Variants in HIVEP3 observed in about 807,000 individuals in gnomAD.
HIVEP3 encodes the protein transcription factor HIVEP3.
A neutral mutation model predicts 152.8 loss-of-function variants in HIVEP3; 49 were observed. The ratio of observed to expected loss-of-function variants is 0.32; its 90% CI spans 0.26 to 0.41. The LOEUF (loss-of-function observed/expected upper bound fraction) is 0.41. HIVEP3 is among the 10% of genes least tolerant of loss of function. The pLI is 1.00. For synonymous variants in HIVEP3, 1,269 were observed against 1,289.0 expected, an observed-to-expected ratio of 0.98 and a Z score of 0.33; for missense variants, 2,790 against 3,103.3, an observed-to-expected ratio of 0.90 and a Z score of 2.40.
intron 1 of HIVEP3, among the ~76,000 whole-genome samples, chr1:41,983,175 C>G (rs896503483): frequency 6.6e-6 from 1 of 152,220 alleles, no homozygotes; most frequent in Non-Finnish European, 1.5e-5. Flanking sequence ...CAGCCCAGTT[C>G]CTAACAGGCC....
At chr1:41,965,961 T>C (rs1413768450) in intron 1 of HIVEP3, among the ~76,000 whole-genome samples, 1 of 151,698 alleles carries the variant, frequency 6.6e-6, no homozygotes, top group East Asian at 1.9e-4. Flanking sequence ...AAGGAAAAAA[T>C]GTTAAAGGCA....
chr1:41,544,856 C>T (rs1470253608), intron 5 of HIVEP3, among the ~76,000 whole-genome samples: 1,007 of 92,558 alleles, frequency 0.011, 6 homozygotes, highest in Non-Finnish European at 0.015. Flanking sequence ...CCACCACCAC[C>T]ACCACCACCA....
intron 1 of HIVEP3, among the ~76,000 whole-genome samples, chr1:41,886,931 T>C (rs1020939977): frequency 6.6e-6 from 1 of 152,016 alleles, no homozygotes; most frequent in Non-Finnish European, 1.5e-5. Flanking sequence ...CCAGACATTT[T>C]CCCCCTTTTT....
chr1:42,018,345 A>C (rs913373986), intron 1 of HIVEP3, among the ~76,000 whole-genome samples: 2 of 128,806 alleles, frequency 1.6e-5, no homozygotes, highest in Admixed American at 8.6e-5. Flanking sequence ...TTTTCTTTTA[A>C]GAGCTTTATT....
intron 1 of HIVEP3, among the ~76,000 whole-genome samples, chr1:41,948,103 A>G (rs1332245463): frequency 1.3e-5 from 2 of 152,218 alleles, no homozygotes; most frequent in Admixed American, 1.3e-4. Flanking sequence ...GACTTTTTAG[A>G]GGTCTCCTTG....
intron 1 of HIVEP3, among the ~76,000 whole-genome samples, chr1:41,936,361 C>T (rs764465039): frequency 2.6e-4 from 39 of 152,156 alleles, no homozygotes; most frequent in Non-Finnish European, 3.7e-4. Flanking sequence ...ACCCCTCAAG[C>T]CCGGCCTGGC....
At chr1:41,605,375 G>GCACACACA (rs57942643) in intron 3 of HIVEP3, among the ~76,000 whole-genome samples, 2 of 126,620 alleles carry the variant, frequency 1.6e-5, no homozygotes, top group African/African-American at 6.0e-5. Flanking sequence ...ACGCACACGC[G>GCACACACA]CACACACACA....
intron 1 of HIVEP3, among the ~76,000 whole-genome samples, chr1:41,802,115 A>G (rs2124314088): frequency 6.6e-6 from 1 of 152,386 alleles, no homozygotes; most frequent in Admixed American, 6.5e-5. Flanking sequence ...CTGCCAGTTT[A>G]GAAAGCATCT....
intron 1 of HIVEP3, among the ~76,000 whole-genome samples, chr1:41,987,968 A>G (rs1277168464): frequency 6.6e-6 from 1 of 152,212 alleles, no homozygotes; most frequent in Non-Finnish European, 1.5e-5. Context: ...AACCACCCCC[A>G]TGATCCAATC....
chr1:41,586,858 T>C (rs1046961137), intron 3 of HIVEP3, among the ~76,000 whole-genome samples: 1 of 151,966 alleles, frequency 6.6e-6, no homozygotes, highest in African/African-American at 2.4e-5. Context: ...CAAAACCATA[T>C]TTATAGAAGA....
intron 3 of HIVEP3, among the ~76,000 whole-genome samples, chr1:41,597,591 G>A (rs990088885): frequency 1.3e-5 from 2 of 152,136 alleles, no homozygotes; most frequent in Admixed American, 6.5e-5. Flanking sequence ...AAACTGATAA[G>A]TAGCAGAGAC....
chr1:41,823,373 T>TC (rs1642664458), intron 1 of HIVEP3, among the ~76,000 whole-genome samples: 1 of 152,048 alleles, frequency 6.6e-6, no homozygotes, highest in African/African-American at 2.4e-5. Flanking sequence ...GATACAAAAG[T>TC]CCCCAGCTCA....
At chr1:41,604,498 G>C (rs1263090943) in intron 3 of HIVEP3, among the ~76,000 whole-genome samples, 1 of 152,208 alleles carries the variant, frequency 6.6e-6, no homozygotes, top group Admixed American at 6.5e-5. Context: ...GTATTAAGAG[G>C]TGATTAGGCT....
At chr1:41,954,886 A>AAGC (rs1419379429) in intron 1 of HIVEP3, among the ~76,000 whole-genome samples, 2 of 152,150 alleles carry the variant, frequency 1.3e-5, no homozygotes, top group African/African-American at 4.8e-5. Flanking sequence ...ATGGTTCCAC[A>AAGC]AGCTTGGGAC....
intron 1 of HIVEP3, among the ~76,000 whole-genome samples, chr1:41,856,807 GGT>G (rs1248690756): frequency 1.3e-5 from 2 of 152,136 alleles, no homozygotes; most frequent in Non-Finnish European, 2.9e-5. Context: ...AAGTGAGCCT[GGT>G]GTGGGACTGA....
chr1:41,807,025 C>A lies in HIVEP3; in HGVS notation c.-800-106030G>T, dbSNP rs1243765910. Among the ~76,000 whole-genome samples the A allele has an allele frequency of 1.6e-4, 7 of 43,840 alleles. No homozygotes were observed. In the South Asian group the frequency reaches 2.3e-3, roughly 15 times the overall value. The allele number at this position is 43,840 out of a possible 152,430, so 28.8% of individuals were successfully genotyped here. A position where few individuals can be genotyped will look rare whatever the true frequency, so the allele number is the denominator to read the frequency against. The stretch of plus-strand genomic sequence containing the variant: ...GTGCAGTTTCCTCCCTTCCTCCCCG[C>A]CCAGCCCACCTACGGCTCTCCTCCT... On this transcript the variant is annotated intron_variant, in intron 1 of 8. Transcript: ENST00000372583.
Position 42,035,047 on chromosome 1 carries a change from T to C in HIVEP3, n.119+760A>G, listed in dbSNP as rs552230585. Among the ~76,000 whole-genome samples, 9 of 152,296 alleles carry C rather than the reference T, an allele frequency of 5.9e-5. No individual in the cohort carries two copies. In the East Asian group the frequency reaches 1.5e-3, roughly 26 times the overall value. On this transcript the variant is annotated intron_variant and non_coding_transcript_variant, in intron 1 of 3. Coordinates refer to the HIVEP3 transcript ENST00000489103. ...AGACTGAAGGCATTTCGTTCCAGGA[T>C]CTATTTAGCTTTCCCACCTTGTTAA...
At chr1:41,764,689 C>T (rs1000745200) in intron 1 of HIVEP3, among the ~76,000 whole-genome samples, 11 of 152,162 alleles carry the variant, frequency 7.2e-5, no homozygotes, top group Non-Finnish European at 1.2e-4. Flanking sequence ...ATCCCTCCTA[C>T]GGGGAAGGCA....
chr1:41,711,989 C>A (rs1331171073), intron 1 of HIVEP3, among the ~76,000 whole-genome samples: 1 of 152,232 alleles, frequency 6.6e-6, no homozygotes, highest in Non-Finnish European at 1.5e-5. Flanking sequence ...GAAACGCCAG[C>A]CAGCAGGTCG....
Sources: allele counts gnomAD v4.1 joint callset (sites outside exome capture counted in the v4.1 genomes callset), GRCh38; gene constraint gnomAD v4.1.1; transcripts MANE v1.5; gene names NCBI Gene and HGNC (gene_info 2026-07-23, HGNC 2026-07-21).